The following NBAS variants were observed in gnomAD, a reference collection of about 807,000 sequenced individuals.
The protein encoded by NBAS is NBAS subunit of NRZ tethering complex.
NBAS carries 219 observed loss-of-function variants against 302.5 expected under a neutral mutation model. The ratio of observed to expected loss-of-function variants is 0.72; its 90% CI spans 0.65 to 0.81. NBAS has a LOEUF of 0.81. Ranked by LOEUF, NBAS falls within the 30% of genes least tolerant of loss-of-function variation. The pLI is 0.00. For synonymous variants in NBAS, 1,118 were observed against 1,021.6 expected, an observed-to-expected ratio of 1.09 and a Z score of -1.80; for missense variants, 2,932 against 2,841.6, an observed-to-expected ratio of 1.03 and a Z score of -0.72.
chr2:15,452,449 G>A (rs567527611), intron 21 of NBAS, among the ~76,000 whole-genome samples: 5 of 92,190 alleles, frequency 5.4e-5, no homozygotes, highest in Non-Finnish European at 9.2e-5. Context: ...TTAGTCGGGC[G>A]TGGTGGCGGG....
intron 35 of NBAS, among the ~76,000 whole-genome samples, chr2:15,344,904 C>A (rs1234280137): frequency 6.6e-6 from 1 of 152,074 alleles, no homozygotes; most frequent in African/African-American, 2.4e-5. Flanking sequence ...GAACCAATGA[C>A]AAAAACCACA....
chr2:14,828,688 G>T, the NBAS span, among the ~76,000 whole-genome samples: 2 of 152,208 alleles, frequency 1.3e-5, no homozygotes, highest in African/African-American at 4.8e-5. Context: ...AGTAGGACAT[G>T]ATGGTGCCTG....
intron 38 of NBAS, among the ~76,000 whole-genome samples, chr2:15,315,246 G>A (rs1572641042): frequency 1.3e-5 from 2 of 152,190 alleles, no homozygotes; most frequent in African/African-American, 2.4e-5. Context: ...ACTTTGAAAT[G>A]CATCAGAAAA....
chr2:14,980,252 A>T, the NBAS span, among the ~76,000 whole-genome samples: 2 of 152,144 alleles, frequency 1.3e-5, no homozygotes, highest in East Asian at 3.9e-4. Flanking sequence ...CTGAGCAGCC[A>T]GGCAAAGACC....
the NBAS span, among the ~76,000 whole-genome samples, chr2:14,971,924 T>C: frequency 3.3e-5 from 5 of 152,238 alleles, no homozygotes; most frequent in Non-Finnish European, 7.3e-5. Flanking sequence ...CTGGTGGTTC[T>C]TGTATCTCCA....
chr2:15,088,333 A>G, the NBAS span, among the ~76,000 whole-genome samples: 19 of 152,198 alleles, frequency 1.2e-4, no homozygotes, highest in African/African-American at 4.3e-4. Flanking sequence ...TAGAAAAATC[A>G]ATCTGACAAG....
the NBAS span, among the ~76,000 whole-genome samples, chr2:14,975,502 T>C: frequency 2.6e-5 from 4 of 152,206 alleles, no homozygotes; most frequent in East Asian, 7.7e-4. Flanking sequence ...TCATCAAGAA[T>C]TAAAATCAGT....
chr2:14,977,415 T>C, the NBAS span, among the ~76,000 whole-genome samples: 1 of 152,184 alleles, frequency 6.6e-6, no homozygotes, highest in Non-Finnish European at 1.5e-5. Context: ...ATATCTGAAA[T>C]ATACAGACAT....
chr2:14,784,994 T>C, the NBAS span, among the ~76,000 whole-genome samples: 1 of 152,318 alleles, frequency 6.6e-6, no homozygotes, highest in South Asian at 2.1e-4. Context: ...TTTTATTTCA[T>C]TGAGCAGTGG....
the NBAS span, among the ~76,000 whole-genome samples, chr2:15,008,634 C>T: frequency 2.6e-5 from 4 of 152,136 alleles, no homozygotes; most frequent in South Asian, 2.1e-4. Flanking sequence ...TACTTGCTTA[C>T]CTGTGTACCA....
At chr2:14,783,245 G>A in the NBAS span, among the ~76,000 whole-genome samples, 1 of 152,074 alleles carries the variant, frequency 6.6e-6, no homozygotes. Context: ...ACTGGAAAAT[G>A]TGGTTGACCT....
At chr2:15,068,989 G>T in the NBAS span, among the ~76,000 whole-genome samples, 75 of 152,062 alleles carry the variant, frequency 4.9e-4, no homozygotes, top group Non-Finnish European at 9.3e-4. Flanking sequence ...TGGTTGGGGG[G>T]GCTTAGCATG....
chr2:15,373,878 T>G (rs904396518), intron 31 of NBAS, among the ~76,000 whole-genome samples: 61 of 152,182 alleles, frequency 4.0e-4, no homozygotes, highest in African/African-American at 1.4e-3. Context: ...ACACTGCTAA[T>G]AATACCAAGC....
At chr2:14,827,357 T>C in the NBAS span, among the ~76,000 whole-genome samples, 1 of 152,206 alleles carries the variant, frequency 6.6e-6, no homozygotes, top group African/African-American at 2.4e-5. Context: ...TAGATACATA[T>C]AAGAATTACA....
chr2:15,445,149 T>C lies in NBAS; in HGVS notation c.2339+16052A>G, dbSNP rs375853104. The stretch of plus-strand genomic sequence containing the variant: ...ATACCATTTGACCCAGCCATCCCAT[T>C]ACTGGGTATATACCCAAAGGACTAG... On this transcript the variant is annotated intron_variant, in intron 21 of 51. Transcript: ENST00000281513. Among the ~76,000 whole-genome samples the C allele has an allele frequency of 2.5e-3, 376 of 150,482 alleles. 3 individuals carry two copies. Among genetic ancestry groups the C allele is most frequent in the East Asian group, 0.022 (106 of 4,844 alleles).
intron 8 of NBAS, among the ~76,000 whole-genome samples, chr2:15,534,930 C>A (rs914252102): frequency 7.2e-5 from 11 of 152,052 alleles, no homozygotes; most frequent in Non-Finnish European, 1.5e-4. Context: ...AAGACTTGTA[C>A]AAGAATGGTT....
chr2:15,228,936 G>A (rs1217224922), intron 47 of NBAS, among the ~76,000 whole-genome samples: 3 of 152,142 alleles, frequency 2.0e-5, no homozygotes, highest in Non-Finnish European at 4.4e-5. Flanking sequence ...AAATACCCAT[G>A]TATTGTATAT....
chr2:14,941,093 G>A, the NBAS span, among the ~76,000 whole-genome samples: 1 of 152,232 alleles, frequency 6.6e-6, no homozygotes, highest in African/African-American at 2.4e-5. Context: ...ATGAGGGCAG[G>A]ATAGGGAGGG....
At chr2:14,832,442 TG>T in the NBAS span, among the ~76,000 whole-genome samples, 1 of 152,080 alleles carries the variant, frequency 6.6e-6, no homozygotes, top group Non-Finnish European at 1.5e-5. Flanking sequence ...GATCCAATAG[TG>T]GGAGAAAGAA....
Sources: allele counts gnomAD v4.1 joint callset (sites outside exome capture counted in the v4.1 genomes callset), GRCh38; gene constraint gnomAD v4.1.1; transcripts MANE v1.5; gene names NCBI Gene and HGNC (gene_info 2026-07-23, HGNC 2026-07-21).